Variants in ZFPM2 observed in about 807,000 individuals in gnomAD.
ZFPM2 encodes zinc finger protein, FOG family member 2.
In ZFPM2, 20 loss-of-function variants were observed where a neutral mutation model predicts 98.6. The ratio of observed to expected loss-of-function variants is 0.20; its 90% CI spans 0.14 to 0.29. ZFPM2 has a LOEUF of 0.29. Among genes scored for constraint, ZFPM2 ranks in the 10% least tolerant of loss-of-function variants. The pLI, the probability that ZFPM2 is intolerant of heterozygous loss-of-function variation, is 1.00. For missense variants in ZFPM2, 1,310 were observed against 1,388.6 expected, an observed-to-expected ratio of 0.94 and a Z score of 0.90; for synonymous variants, 518 against 502.7, an observed-to-expected ratio of 1.03 and a Z score of -0.41.
At chr8:105,373,922 G>A (rs1175295221) in intron 1 of ZFPM2, among the ~76,000 whole-genome samples, 1 of 152,086 alleles carries the variant, frequency 6.6e-6, no homozygotes, top group Non-Finnish European at 1.5e-5. Flanking sequence ...TCCAATCACT[G>A]GAATAGCCAA....
chr8:105,347,496 T>A (rs570389765), intron 1 of ZFPM2, among the ~76,000 whole-genome samples: 2 of 152,314 alleles, frequency 1.3e-5, no homozygotes, highest in Admixed American at 6.5e-5. Flanking sequence ...CAGTGTACTC[T>A]GTTCCTCCTG....
chr8:105,626,485 G>T (rs1816657563), intron 4 of ZFPM2, among the ~76,000 whole-genome samples: 1 of 152,096 alleles, frequency 6.6e-6, no homozygotes, highest in Non-Finnish European at 1.5e-5. Context: ...AATTTTGTGT[G>T]GTTGTACAAG....
Position 105,380,647 on chromosome 8 carries a change from A to ATATATAACATATATAT in ZFPM2, c.41-38491_41-38490insACATATATATTATATA, listed in dbSNP as rs1810836754. ...ATAACATATATATTATATATATATT[A>ATATATAACATATATAT]TATATATATATTATATATAACATAT... On this transcript the variant is annotated intron_variant, in intron 1 of 7. Coordinates refer to ENST00000407775, the MANE Select transcript of ZFPM2 (RefSeq NM_012082.4). Among the ~76,000 whole-genome samples the ATATATAACATATATAT allele has an allele frequency of 1.4e-3, 19 of 13,898 alleles. 1 individual carries two copies. Among genetic ancestry groups the ATATATAACATATATAT allele is most frequent in the South Asian group, 3.1e-3 (2 of 650 alleles). 9.1% of individuals were successfully genotyped at this position (13,898 alleles called of 152,430 possible). A position where few individuals can be genotyped will look rare whatever the true frequency, so the allele number is the denominator to read the frequency against.
At chr8:105,721,415 A>G (rs1483526428) in intron 5 of ZFPM2, among the ~76,000 whole-genome samples, 1 of 152,000 alleles carries the variant, frequency 6.6e-6, no homozygotes, top group Non-Finnish European at 1.5e-5. Flanking sequence ...TGATTCATGT[A>G]GCCTTCCATA....
intron 1 of ZFPM2, among the ~76,000 whole-genome samples, chr8:105,320,609 T>C (rs1812006543): frequency 6.6e-6 from 1 of 152,214 alleles, no homozygotes; most frequent in Non-Finnish European, 1.5e-5. Flanking sequence ...ATACAAATGC[T>C]TTTTAGTTCA....
chr8:105,707,683 A>G (rs1449972015), intron 5 of ZFPM2, among the ~76,000 whole-genome samples: 1 of 152,242 alleles, frequency 6.6e-6, no homozygotes, highest in Admixed American at 6.5e-5. Context: ...TGTGTCAGGA[A>G]GCACATTGTT....
At chr8:105,721,116 T>C (rs11776679) in intron 5 of ZFPM2, among the ~76,000 whole-genome samples, 79,976 of 151,666 alleles carry the variant, frequency 0.53, 24,650 homozygotes, top group African/African-American at 0.87. Flanking sequence ...CCAGGACCAC[T>C]GAAGATACCA....
chr8:105,581,547 A>G (rs548191718), intron 4 of ZFPM2, among the ~76,000 whole-genome samples: 1 of 152,322 alleles, frequency 6.6e-6, no homozygotes, highest in African/African-American at 2.4e-5. Context: ...AGCTAGAACT[A>G]ACCTGTTTAT....
chr8:105,640,689 C>A (rs35244211), intron 5 of ZFPM2, among the ~76,000 whole-genome samples: 5 of 151,726 alleles, frequency 3.3e-5, no homozygotes, highest in Non-Finnish European at 7.4e-5. Context: ...TGTAAAAGTC[C>A]GAACCATGTT....
rs375242053 is a variant in ZFPM2 at position 105,318,938 on chromosome 8, C to T, written c.-4C>T. The stretch of plus-strand genomic sequence containing the variant: ...GAGCCCCAGCGGCAGCAGCCGCCGC[C>T]GAGATGTCCCGGCGAAAGCAAAGCA... On this transcript the variant is annotated 5_prime_UTR_variant, in exon 1 of 8. Transcript: ENST00000407775. 1.4e-5 allele frequency: 20 copies of T among 1,440,678 alleles called. No homozygotes were observed. The East Asian group carries it at 2.4e-4, about 17-fold the overall frequency. The allele number at this position is 1,440,678 out of a possible 1,614,324, so 89.2% of individuals were successfully genotyped here. A position where few individuals can be genotyped will look rare whatever the true frequency, so the allele number is the denominator to read the frequency against.
intron 2 of ZFPM2, among the ~76,000 whole-genome samples, chr8:105,442,177 C>CA (rs34122458): frequency 0.26 from 34,404 of 131,104 alleles, 4,339 homozygotes; most frequent in Admixed American, 0.33. Flanking sequence ...ACTAAAAATA[C>CA]AAAAAAAAAA....
chr8:105,538,791 C>T (rs1040184736), intron 3 of ZFPM2, among the ~76,000 whole-genome samples: 6 of 152,002 alleles, frequency 3.9e-5, no homozygotes, highest in African/African-American at 1.2e-4. Flanking sequence ...GTGGGAAGAT[C>T]GCTTGAGCCC....
chr8:105,472,788 G>A (rs1168637851), intron 3 of ZFPM2, among the ~76,000 whole-genome samples: 4 of 151,172 alleles, frequency 2.6e-5, no homozygotes, highest in Admixed American at 6.6e-5. Context: ...GATTACAGGC[G>A]TGAGCCACCG....
At chr8:105,737,029 G>A (rs776472676) in intron 5 of ZFPM2, among the ~76,000 whole-genome samples, 1 of 151,752 alleles carries the variant, frequency 6.6e-6, no homozygotes, top group Non-Finnish European at 1.5e-5. Context: ...ATGTGTGCAC[G>A]TGCACACATG....
At chr8:105,405,845 G>A (rs531634441) in intron 1 of ZFPM2, among the ~76,000 whole-genome samples, 10 of 152,214 alleles carry the variant, frequency 6.6e-5, no homozygotes, top group South Asian at 2.1e-4. Context: ...GATCCCTGAC[G>A]AATTGCCACA....
intron 4 of ZFPM2, among the ~76,000 whole-genome samples, chr8:105,599,705 T>C (rs1175121863): frequency 5.9e-5 from 9 of 152,122 alleles, no homozygotes; most frequent in African/African-American, 2.2e-4. Context: ...CTTTCTCAAG[T>C]CAGCCAGGGC....
intron 3 of ZFPM2, among the ~76,000 whole-genome samples, chr8:105,454,328 T>G (rs1388104347): frequency 2.6e-5 from 4 of 152,242 alleles, no homozygotes; most frequent in Non-Finnish European, 5.9e-5. Flanking sequence ...GTTGTTAATC[T>G]AGATCCTTGA....
At chr8:105,595,733 A>G (rs1177439554) in intron 4 of ZFPM2, among the ~76,000 whole-genome samples, 1 of 152,142 alleles carries the variant, frequency 6.6e-6, no homozygotes, top group Non-Finnish European at 1.5e-5. Context: ...ACTAGAATAG[A>G]GAACATTAAA....
At chr8:105,540,545 C>A (rs1033687126) in intron 3 of ZFPM2, among the ~76,000 whole-genome samples, 1 of 152,044 alleles carries the variant, frequency 6.6e-6, no homozygotes, top group Non-Finnish European at 1.5e-5. Context: ...ATTCTAAAAA[C>A]TATTGAAATG....
Sources: allele counts gnomAD v4.1 joint callset (sites outside exome capture counted in the v4.1 genomes callset), GRCh38; gene constraint gnomAD v4.1.1; transcripts MANE v1.5; gene names NCBI Gene and HGNC (gene_info 2026-07-23, HGNC 2026-07-21).